Variants in ATP2B4 observed in about 807,000 individuals in gnomAD.
ATP2B4 encodes the protein plasma membrane calcium-transporting ATPase 4.
A neutral mutation model predicts 110.3 loss-of-function variants in ATP2B4; 39 were observed. The observed-to-expected ratio is 0.35, with a 90% CI of 0.27 to 0.46. The LOEUF is 0.46. ATP2B4 is among the 20% of genes least tolerant of loss of function. ATP2B4 has a pLI of 1.00. For synonymous variants in ATP2B4, 538 were observed against 571.7 expected (o/e 0.94, Z 0.84); for missense variants, 1,135 against 1,530.9 (o/e 0.74, Z 4.32).
chr1:203,634,593 G>T (rs1354922672), intron 1 of ATP2B4, among the ~76,000 whole-genome samples: 1 of 152,190 alleles, frequency 6.6e-6, no homozygotes, highest in Non-Finnish European at 1.5e-5. Context: ...ATTGGTCTTA[G>T]CATATCTTAG....
chr1:203,709,262 CATCTT>C, intron 10 of ATP2B4, 34 bp from the exon 11 acceptor site: 1 of 1,609,984 alleles, frequency 6.2e-7, no homozygotes, highest in Non-Finnish European at 8.5e-7. Context: ...CTTGTCAAGG[CATCTT>C]ACTCAATAGT....
intron 20 of ATP2B4, among the ~76,000 whole-genome samples, chr1:203,739,015 A>G (rs999698226): frequency 1.3e-5 from 2 of 152,190 alleles, no homozygotes; most frequent in Non-Finnish European, 2.9e-5. Flanking sequence ...TCGTCACCCA[A>G]CCTGTATTAT....
intron 20 of ATP2B4, among the ~76,000 whole-genome samples, chr1:203,737,743 G>A (rs576133236): frequency 2.0e-5 from 3 of 152,282 alleles, no homozygotes; most frequent in African/African-American, 7.2e-5. Context: ...ATTCTTCTTG[G>A]CTGAGGTGTT....
chr1:203,695,433 G>T (rs1385104314), intron 2 of ATP2B4, among the ~76,000 whole-genome samples: 4 of 152,198 alleles, frequency 2.6e-5, no homozygotes, highest in South Asian at 2.1e-4. Context: ...GGCTGGTGGG[G>T]CAGGGAGTCT....
At chr1:203,702,150 T>G (rs1665712340) in intron 7 of ATP2B4, 71 bp downstream of exon 7, 2 of 1,563,930 alleles carry the variant, frequency 1.3e-6, no homozygotes, top group Non-Finnish European at 1.8e-6. Flanking sequence ...CAGGCCATCT[T>G]CCTTCTCCCT....
At chr1:203,659,094 C>A (rs112914045) in intron 1 of ATP2B4, among the ~76,000 whole-genome samples, 3,029 of 151,852 alleles carry the variant, frequency 0.02, 105 homozygotes, top group African/African-American at 0.069. Context: ...AAAGATATTG[C>A]TTATTAGAAG....
chr1:203,660,610 G>T (rs920830986), intron 1 of ATP2B4, among the ~76,000 whole-genome samples: 3 of 151,846 alleles, frequency 2.0e-5, no homozygotes, highest in Non-Finnish European at 4.4e-5. Flanking sequence ...GACCAGCCTG[G>T]CCAACATGGT....
Position 203,739,986 on chromosome 1 carries a change from T to C in ATP2B4, c.*132T>C, listed in dbSNP as rs1164587000. ...AACAGCAGTGTGTGTGAAGTGAACC[T>C]CTACCTGACCATGAAGAGGCAAGAG... On this transcript the variant is annotated 3_prime_UTR_variant, in exon 21 of 21. Transcript: ENST00000357681. 3.5e-5 allele frequency: 35 copies of C among 1,004,534 alleles called. No individual in the cohort carries two copies. The highest frequency in any genetic ancestry group is 5.0e-5 in the Non-Finnish European group (35 of 701,982). The allele number at this position is 1,004,534 out of a possible 1,614,324, so 62.2% of individuals were successfully genotyped here.
In ATP2B4 at chr1:203,700,303, C is replaced by T. The variant is rs967441407; in HGVS notation, c.747C>T (p.Ser249=). 3 of 1,613,540 alleles carry T rather than the reference C, an allele frequency of 1.9e-6. No individual in the cohort carries two copies. The African/African-American group carries it at 4.0e-5, about 22-fold the overall frequency. Residue 249 remains serine, a synonymous_variant, in exon 5 of 21, where the codon TCC becomes TCT. Coordinates refer to ENST00000357681, the MANE Select transcript of ATP2B4 (RefSeq NM_001684.5). The part of the protein sequence containing the change: ...LTGESDHVKK[S]LDKDPMLLSG... ...GGGAATCTGACCATGTCAAGAAGTC[C>T]CTGGACAAAGACCCCATGTTGCTCT...
intron 15 of ATP2B4, among the ~76,000 whole-genome samples, chr1:203,717,088 C>T (rs1666177159): frequency 6.7e-6 from 1 of 149,686 alleles, no homozygotes. Context: ...ATCCCAGCTA[C>T]TTGGGAGGCT....
chr1:203,649,395 C>T (rs1162913267), intron 1 of ATP2B4, among the ~76,000 whole-genome samples: 2 of 152,130 alleles, frequency 1.3e-5, no homozygotes, highest in Non-Finnish European at 2.9e-5. Flanking sequence ...TTTTCTCATT[C>T]GTCATTAGTT....
chr1:203,659,062 T>C (rs1216266140), intron 1 of ATP2B4, among the ~76,000 whole-genome samples: 1 of 152,168 alleles, frequency 6.6e-6, no homozygotes, highest in African/African-American at 2.4e-5. Context: ...CTAAGGTCCT[T>C]ATATTTTCTA....
In ATP2B4 at chr1:203,660,360, G is replaced by T. The variant is rs1220629619; in HGVS notation, c.-464-22382G>T. On this transcript the variant is annotated intron_variant, in intron 1 of 20. Coordinates refer to ENST00000357681, the MANE Select transcript of ATP2B4 (RefSeq NM_001684.5). ...GAGGATAAAAATAGCTATCACAAAA[G>T]GTAGTAGGTTGGAAGATCGTGAGAA... is the stretch of plus-strand genomic sequence containing the variant. Among the ~76,000 whole-genome samples, 4 of 152,314 alleles carry T rather than the reference G, an allele frequency of 2.6e-5. No individual in the cohort carries two copies. In the East Asian group the frequency reaches 5.8e-4, roughly 22 times the overall value.
chr1:203,639,472 T>C (rs1228026424), intron 1 of ATP2B4, among the ~76,000 whole-genome samples: 1 of 152,194 alleles, frequency 6.6e-6, no homozygotes, highest in African/African-American at 2.4e-5. Flanking sequence ...TTGTTGGTAG[T>C]GCTCTAGGGA....
chr1:203,724,165 TG>T (rs372228381), intron 19 of ATP2B4, among the ~76,000 whole-genome samples, 177 bp downstream of exon 19: 1 of 151,966 alleles, frequency 6.6e-6, no homozygotes, highest in Non-Finnish European at 1.5e-5. Flanking sequence ...GATCTCAAGG[TG>T]GAATGATCAC....
At chr1:203,676,571 G>A (rs1043371150) in intron 1 of ATP2B4, among the ~76,000 whole-genome samples, 6 of 152,160 alleles carry the variant, frequency 3.9e-5, no homozygotes, top group Admixed American at 1.3e-4. Context: ...CAGAGAGAAG[G>A]AGTAGAGCTT....
intron 13 of ATP2B4, 130 bp downstream of exon 13, chr1:203,712,269 T>G: frequency 9.1e-7 from 1 of 1,102,434 alleles, no homozygotes; most frequent in Non-Finnish European, 1.3e-6. Context: ...GTGAAACATC[T>G]CCTTGTACCA....
chr1:203,693,517 A>C (rs1407897105), intron 2 of ATP2B4, among the ~76,000 whole-genome samples: 1 of 152,224 alleles, frequency 6.6e-6, no homozygotes, highest in Non-Finnish European at 1.5e-5. Context: ...CTTTGAGAGC[A>C]TTTAGGTAAG....
intron 1 of ATP2B4, among the ~76,000 whole-genome samples, chr1:203,645,661 G>C (rs760389182): frequency 2.0e-5 from 3 of 147,924 alleles, no homozygotes; most frequent in African/African-American, 7.5e-5. Context: ...GCATAATCTC[G>C]GCTCACTGCA....
Sources: allele counts gnomAD v4.1 joint callset (sites outside exome capture counted in the v4.1 genomes callset), GRCh38; gene constraint gnomAD v4.1.1; transcripts MANE v1.5; gene names NCBI Gene and HGNC (gene_info 2026-07-23, HGNC 2026-07-21).